The following NUP93 variants were observed in gnomAD, a reference collection of about 807,000 sequenced individuals.
NUP93 encodes nuclear pore complex protein Nup93.
A neutral mutation model predicts 107.8 loss-of-function variants in NUP93; 55 were observed. The observed-to-expected ratio is 0.51, with a 90% CI of 0.41 to 0.64. The LOEUF is 0.64. Among genes scored for constraint, NUP93 ranks in the 30% least tolerant of loss-of-function variants. The pLI, the probability that NUP93 is intolerant of heterozygous loss-of-function variation, is 0.00. For missense variants in NUP93, 937 were observed against 1,044.7 expected, an observed-to-expected ratio of 0.90 and a Z score of 1.42; for synonymous variants, 390 against 397.5, an observed-to-expected ratio of 0.98 and a Z score of 0.22.
At chr16:56,743,968 A>G (rs374923892) in intron 1 of NUP93, among the ~76,000 whole-genome samples, 22 of 152,318 alleles carry the variant, frequency 1.4e-4, no homozygotes, top group Middle Eastern at 3.4e-3. Context: ...TTGCCTTGCC[A>G]AAAGATTCCC....
chr16:56,774,878 T>C (rs1055946981), intron 3 of NUP93, among the ~76,000 whole-genome samples: 1 of 151,776 alleles, frequency 6.6e-6, no homozygotes. Context: ...GTCACCAGAT[T>C]AAGGTTTTTT....
At chr16:56,815,881 C>CTGCTGCTGCTGG (rs1480698761) in intron 5 of NUP93, among the ~76,000 whole-genome samples, 17 of 103,998 alleles carry the variant, frequency 1.6e-4, no homozygotes, top group South Asian at 5.4e-4. Flanking sequence ...GCTGCTGCTG[C>CTGCTGCTGCTGG]TGCTGCTGCT....
intron 2 of NUP93, among the ~76,000 whole-genome samples, chr16:56,750,042 C>T (rs1343387195): frequency 6.6e-6 from 1 of 152,218 alleles, no homozygotes; most frequent in African/African-American, 2.4e-5. Context: ...AGCGAAAGGC[C>T]CATGATGCCA....
At position 56,848,553 on chromosome 16, in the gene NUP93, T is replaced by C. The variant is rs183858691; in HGVS notation, c.*3944T>C. The C allele has an allele frequency of 6.6e-6, 1 of 152,352 alleles. No homozygotes were observed. The highest frequency in any genetic ancestry group is 2.4e-5 in the African/African-American group (1 of 41,576). The allele number at this position is 152,352 out of a possible 1,614,324, so 9.4% of individuals were successfully genotyped here. A position where few individuals can be genotyped will look rare whatever the true frequency, so the allele number is the denominator to read the frequency against. On this transcript the variant is annotated 3_prime_UTR_variant, in exon 22 of 22. Coordinates refer to ENST00000308159, the MANE Select transcript of NUP93 (RefSeq NM_014669.5). ...CTTCCACCATCTTCTGACAGTTCCA[T>C]AATATATTGGTATCCCTCACAGGGC...
intron 5 of NUP93, among the ~76,000 whole-genome samples, chr16:56,808,653 AATAC>A (rs1411000903): frequency 1.5e-5 from 2 of 135,554 alleles, no homozygotes; most frequent in East Asian, 4.3e-4. Context: ...AATATATAAA[AATAC>A]ATATATTTAT....
intron 3 of NUP93, among the ~76,000 whole-genome samples, chr16:56,763,931 TAAGTA>T (rs1157550274): frequency 9.2e-5 from 14 of 152,118 alleles, no homozygotes; most frequent in African/African-American, 3.1e-4. Context: ...CTGTCCTATA[TAAGTA>T]AAGAGGAAAA....
rs143720342 is a variant in NUP93 at position 56,833,501 on chromosome 16, G to A, written c.1537+95G>A. ...AAAACCACAACCAATAAGGATTTGA[G>A]CAAAGGGTACCAGTCATTTTAGAGC... On this transcript the variant is annotated intron_variant, in intron 13 of 21. Coordinates refer to ENST00000308159, the MANE Select transcript of NUP93 (RefSeq NM_014669.5). The A allele has an allele frequency of 2.9e-4, 291 of 998,966 alleles. 1 individual carries two copies. The East Asian group carries it at 8.5e-3, about 29-fold the overall frequency. 61.9% of individuals were successfully genotyped at this position (998,966 alleles called of 1,614,324 possible).
chr16:56,783,620 C>T (rs1305742050), intron 3 of NUP93: 3 of 985,300 alleles, frequency 3.0e-6, no homozygotes, highest in Non-Finnish European at 3.6e-6. Flanking sequence ...TGGATGCCAG[C>T]GCCTTCATCA....
At chr16:56,802,771 A>G (rs1179463273) in intron 4 of NUP93, among the ~76,000 whole-genome samples, 11 of 152,242 alleles carry the variant, frequency 7.2e-5, no homozygotes, top group Non-Finnish European at 1.6e-4. Flanking sequence ...GGCATTGCTA[A>G]TACTCATTCC....
intron 21 of NUP93, chr16:56,842,737 G>A: frequency 2.7e-6 from 1 of 371,820 alleles, no homozygotes; most frequent in South Asian, 2.0e-5. Context: ...ACTTTATATA[G>A]AGATGGAATT....
intron 3 of NUP93, among the ~76,000 whole-genome samples, chr16:56,781,491 T>C (rs1373595100): frequency 6.6e-6 from 1 of 152,182 alleles, no homozygotes; most frequent in Non-Finnish European, 1.5e-5. Context: ...ATAAAATCTT[T>C]TAACTACCAT....
rs1963917859 is a variant in NUP93, at chr16:56,836,638, CTAT to C, written c.1824_1826del (p.Ile609del). The C allele has an allele frequency of 6.2e-7, 1 of 1,613,872 alleles. No individual in the cohort carries two copies. Among genetic ancestry groups the C allele is most frequent in the African/African-American group, 1.3e-5 (1 of 74,928 alleles). On this transcript the variant is annotated inframe_deletion, in exon 17 of 22. Coordinates refer to ENST00000308159, the MANE Select transcript of NUP93 (RefSeq NM_014669.5). ...GATAAGTTTACTAGTGACACAAAGC[CTAT>C]TATCAACAAAGTTGCTTCTGTGGCA... is the stretch of plus-strand genomic sequence containing the variant.
intron 21 of NUP93, 30 bp downstream of exon 21, chr16:56,841,863 G>A (rs1964033038): frequency 6.2e-7 from 1 of 1,612,222 alleles, no homozygotes; most frequent in East Asian, 2.2e-5. Context: ...GAGAAACATT[G>A]CTAAGCACCA....
Position 56,841,719 on chromosome 16 carries a change from C to T in NUP93, c.2235C>T (p.Leu745=). Residue 745 remains leucine (L), a synonymous_variant, in exon 21 of 22, where the codon CTC becomes CTT. Transcript: ENST00000308159. Reference sequence around the variant, plus strand: ...TCTCTATGTAGATCAGGCACAACCTCTCAGAAGTGCTTCTTGCCACCATGA... The same window carrying T: ...TCTCTATGTAGATCAGGCACAACCTTTCAGAAGTGCTTCTTGCCACCATGA... The part of the protein sequence containing the change: ...RNFSDEIRHN[L]SEVLLATMNI... The T allele has an allele frequency of 6.2e-7, 1 of 1,614,192 alleles. No homozygotes were observed.
intron 6 of NUP93, 48 bp downstream of exon 6, chr16:56,818,786 C>A (rs1359671663): frequency 1.4e-5 from 21 of 1,491,616 alleles, no homozygotes; most frequent in Non-Finnish European, 1.8e-5. Context: ...CCTTTGTGAA[C>A]CTCTAGGGAG....
intron 8 of NUP93, among the ~76,000 whole-genome samples, chr16:56,825,838 C>T (rs1963647117): frequency 1.3e-5 from 2 of 152,116 alleles, no homozygotes; most frequent in Admixed American, 1.3e-4. Flanking sequence ...TTCATTGTCA[C>T]CTTTGATAAA....
chr16:56,750,767 T>C lies in NUP93; in HGVS notation c.179+2341T>C, dbSNP rs527374156. Among the ~76,000 whole-genome samples the C allele has an allele frequency of 2.0e-5, 3 of 152,332 alleles. No homozygotes were observed. The South Asian group carries it at 6.2e-4, about 32-fold the overall frequency. On this transcript the variant is annotated intron_variant, in intron 2 of 21. Coordinates refer to ENST00000308159, the MANE Select transcript of NUP93 (RefSeq NM_014669.5). ...CAGAGATCATGTGCCCTGCAAAGCC[T>C]GAAATGTTTACTATCTGCTGTTTAC...
intron 3 of NUP93, among the ~76,000 whole-genome samples, chr16:56,769,795 C>G (rs1962286850): frequency 6.6e-6 from 1 of 152,168 alleles, no homozygotes; most frequent in Non-Finnish European, 1.5e-5. Flanking sequence ...TAATACTGAA[C>G]TATTGATTGT....
intron 3 of NUP93, among the ~76,000 whole-genome samples, chr16:56,791,151 C>T (rs1962754091): frequency 6.6e-6 from 1 of 152,114 alleles, no homozygotes; most frequent in Admixed American, 6.5e-5. Context: ...AGATGCCTCA[C>T]TTTTACATTT....
Sources: allele counts gnomAD v4.1 joint callset (sites outside exome capture counted in the v4.1 genomes callset), GRCh38; gene constraint gnomAD v4.1.1; transcripts MANE v1.5; gene names NCBI Gene and HGNC (gene_info 2026-07-23, HGNC 2026-07-21).